The following PAK3 variants were observed in gnomAD, a reference collection of about 807,000 sequenced individuals.
PAK3 encodes p21 (RAC1) activated kinase 3.
A neutral mutation model predicts 41.0 loss-of-function variants in PAK3; 4 were observed. That is an observed-to-expected ratio of 0.10 (90% CI 0.05 to 0.22). The LOEUF is 0.22. Among genes scored for constraint, PAK3 ranks in the 10% least tolerant of loss-of-function variants. The probability of loss-of-function intolerance (pLI) is 1.00; values close to 1 mark genes in which losing one functional copy is unlikely to be tolerated. For missense variants in PAK3, 205 were observed against 409.9 expected (o/e 0.50, Z 4.32); for synonymous variants, 146 against 139.6 (o/e 1.05, Z -0.32).
At chrX:110,960,916 G>T (rs757486563) in intron 1 of PAK3, among the ~76,000 whole-genome samples, 3 of 111,376 alleles carry the variant, frequency 2.7e-5, no homozygotes, top group Non-Finnish European at 3.8e-5. Context: ...GGTCTTCGTG[G>T]ATGTTAGTCC....
chrX:111,070,268 ATCATTTATATGGACAACAGCTGAAT>A (rs2092733501), intron 1 of PAK3, among the ~76,000 whole-genome samples: 1 of 105,613 alleles, frequency 9.5e-6, no homozygotes, highest in Non-Finnish European at 1.9e-5. Flanking sequence ...GCTGAATTTG[ATCATTTATATGGACAACAGCTGAAT>A]TTGATCATTT....
At chrX:110,996,277 T>G (rs2091738008) in intron 1 of PAK3, among the ~76,000 whole-genome samples, 1 of 111,960 alleles carries the variant, frequency 8.9e-6, no homozygotes, top group Non-Finnish European at 1.9e-5. Context: ...TTTAGCAACT[T>G]ATTTAGTAAA....
chrX:111,041,705 C>G (rs1429188478), intron 1 of PAK3, among the ~76,000 whole-genome samples: 2 of 110,900 alleles, frequency 1.8e-5, no homozygotes, highest in Non-Finnish European at 3.8e-5. Context: ...ATACCATTCT[C>G]CTTGCTTGGA....
intron 3 of PAK3, among the ~76,000 whole-genome samples, chrX:111,101,130 G>A (rs2093127706): frequency 8.9e-6 from 1 of 112,019 alleles, no homozygotes; most frequent in African/African-American, 3.3e-5. Context: ...ACAGGACACT[G>A]TACACACACA....
intron 1 of PAK3, among the ~76,000 whole-genome samples, chrX:111,051,207 G>T (rs1325594248): frequency 8.9e-6 from 1 of 111,926 alleles, no homozygotes; most frequent in Non-Finnish European, 1.9e-5. Flanking sequence ...TATTGGAGCA[G>T]TAACTTTGTT....
chrX:111,116,425 A>G (rs184006033), intron 4 of PAK3, among the ~76,000 whole-genome samples: 26 of 112,107 alleles, frequency 2.3e-4, no homozygotes, highest in African/African-American at 7.4e-4. Flanking sequence ...TAAGATAATC[A>G]TTAGCATTTT....
At chrX:111,151,850 G>A (rs1329000451) in intron 7 of PAK3, among the ~76,000 whole-genome samples, 1 of 111,841 alleles carries the variant, frequency 8.9e-6, no homozygotes, top group Non-Finnish European at 1.9e-5. Context: ...CAGTTGTTCT[G>A]ATAACCAAAC....
In PAK3 at chrX:111,035,642, C is replaced by A. The variant is rs759674546; in HGVS notation, c.-27-87435C>A. The stretch of plus-strand genomic sequence containing the variant: ...GAAAGAAAATTCTTTAAAAATAGAA[C>A]TTTAAGTGCTGTGCAACTACATGAT... On this transcript the variant is annotated intron_variant, in intron 1 of 14. Coordinates refer to the PAK3 transcript ENST00000425146. Among the ~76,000 whole-genome samples the A allele has an allele frequency of 4.5e-5, 5 of 112,143 alleles. No homozygotes were observed. The South Asian group carries it at 1.5e-3, about 34-fold the overall frequency.
Position 111,098,768 on chromosome X carries a change from C to CA in PAK3, c.-176+1096dup, listed in dbSNP as rs754247810. Reference sequence around the variant, plus strand: ...TGGGGCCTGGTCTGGGACCCCTGCTCAAAAAAAAAAAAGAAAAAAAGCCCT... The same window carrying CA: ...TGGGGCCTGGTCTGGGACCCCTGCTCAAAAAAAAAAAAAGAAAAAAAGCCCT... On this transcript the variant is annotated intron_variant, in intron 3 of 17. Transcript: ENST00000372007. 253 of 90,838 alleles carry CA rather than the reference C, an allele frequency of 2.8e-3. 1 individual carries two copies. The highest frequency in any genetic ancestry group is 6.2e-3 in the African/African-American group (153 of 24,791). 7.5% of individuals were successfully genotyped at this position (90,838 alleles called of 1,213,427 possible).
At chrX:111,003,725 G>T (rs905346158) in intron 1 of PAK3, among the ~76,000 whole-genome samples, 1 of 111,860 alleles carries the variant, frequency 8.9e-6, no homozygotes, top group Admixed American at 9.5e-5. Context: ...TTTGAGCTGG[G>T]CAAGATTTCA....
chrX:111,131,668 G>A (rs749814715), intron 5 of PAK3, among the ~76,000 whole-genome samples: 1 of 111,894 alleles, frequency 8.9e-6, no homozygotes, highest in African/African-American at 3.2e-5. Flanking sequence ...TGTACTTCTT[G>A]TAAATCCAGG....
At chrX:110,990,194 TC>T (rs1215438196) in intron 1 of PAK3, among the ~76,000 whole-genome samples, 1 of 111,675 alleles carries the variant, frequency 9.0e-6, no homozygotes, top group Non-Finnish European at 1.9e-5. Context: ...GCACTCAATT[TC>T]CTTAACTGTA....
upstream of PAK3, among the ~76,000 whole-genome samples, chrX:111,094,533 T>C (rs2148862571): frequency 9.0e-6 from 1 of 111,171 alleles, no homozygotes; most frequent in African/African-American, 3.3e-5. Context: ...AGTCTTTGCC[T>C]CCCTCTTTCT....
At chrX:111,188,839 T>G (rs2149306101) in intron 11 of PAK3, among the ~76,000 whole-genome samples, 1 of 112,664 alleles carries the variant, frequency 8.9e-6, no homozygotes, top group African/African-American at 3.2e-5. Context: ...ATTTTGCAGA[T>G]ACTCTCACTC....
At chrX:111,084,166 T>C (rs1332804981) in intron 1 of PAK3, among the ~76,000 whole-genome samples, 1 of 112,468 alleles carries the variant, frequency 8.9e-6, no homozygotes, top group East Asian at 2.8e-4. Context: ...CATTCAAATG[T>C]GTTCATGGAA....
chrX:111,034,033 C>G (rs1298955398), intron 1 of PAK3, among the ~76,000 whole-genome samples: 1 of 111,978 alleles, frequency 8.9e-6, no homozygotes, highest in Non-Finnish European at 1.9e-5. Flanking sequence ...TCTCCCCTCT[C>G]CCTGCCATAC....
chrX:111,078,055 A>C (rs755733940), intron 1 of PAK3, among the ~76,000 whole-genome samples: 7 of 112,102 alleles, frequency 6.2e-5, no homozygotes, highest in Non-Finnish European at 1.3e-4. Flanking sequence ...AAGTATATGA[A>C]AAAAGCTCAA....
intron 4 of PAK3, among the ~76,000 whole-genome samples, chrX:111,112,527 C>G (rs2093394367): frequency 9.0e-6 from 1 of 110,620 alleles, no homozygotes; most frequent in African/African-American, 3.3e-5. Flanking sequence ...CTTTAATACC[C>G]TGTTCAAGTG....
intron 1 of PAK3, among the ~76,000 whole-genome samples, chrX:110,983,529 C>CGA (rs1556421267): frequency 2.0e-4 from 20 of 100,257 alleles, no homozygotes; most frequent in Non-Finnish European, 3.6e-4. Flanking sequence ...TGTATGTCTG[C>CGA]GTGTGTGTGT....
Sources: gnomAD v4.1 joint callset for allele counts (sites outside exome capture counted in the v4.1 genomes callset) on GRCh38, gnomAD v4.1.1 for gene constraint, MANE v1.5 for transcripts, NCBI Gene and HGNC (gene_info 2026-07-23, HGNC 2026-07-21) for gene names.